CLIC4: variants seen among roughly 807,000 people sequenced by gnomAD.
CLIC4 encodes CLIC family member 4.
In CLIC4, 13 loss-of-function variants were observed where a neutral mutation model predicts 24.6. The observed-to-expected ratio is 0.53, with a 90% CI of 0.34 to 0.84. The LOEUF is 0.84. CLIC4 is among the 40% of genes least tolerant of loss of function. The pLI is 0.01. For synonymous variants in CLIC4, 104 were observed against 111.3 expected (o/e 0.93, Z 0.41); for missense variants, 227 against 301.7 (o/e 0.75, Z 1.83).
intron 2 of CLIC4, among the ~76,000 whole-genome samples, chr1:24,803,034 A>G (rs1170230911): frequency 6.6e-6 from 1 of 152,216 alleles, no homozygotes; most frequent in Non-Finnish European, 1.5e-5. Flanking sequence ...CTATGAGTTT[A>G]CACACTTGCA....
intron 1 of CLIC4, among the ~76,000 whole-genome samples, chr1:24,746,687 A>G (rs1448435485): frequency 1.3e-5 from 2 of 152,204 alleles, no homozygotes; most frequent in Non-Finnish European, 2.9e-5. Context: ...TTTTACTTTA[A>G]AGAAAGGACA....
At chr1:24,748,908 C>T (rs553134706) in intron 1 of CLIC4, among the ~76,000 whole-genome samples, 1 of 151,118 alleles carries the variant, frequency 6.6e-6, no homozygotes, top group African/African-American at 2.5e-5. Context: ...GGGGGAAATA[C>T]CCTTGTAAAT....
chr1:24,772,147 C>A (rs184733901), intron 1 of CLIC4, among the ~76,000 whole-genome samples: 1 of 151,956 alleles, frequency 6.6e-6, no homozygotes, highest in Non-Finnish European at 1.5e-5. Context: ...TTCTTTGACC[C>A]GAAAGAATAT....
chr1:24,839,216 A>C (rs1557817124), intron 4 of CLIC4, among the ~76,000 whole-genome samples: 2 of 152,236 alleles, frequency 1.3e-5, no homozygotes, highest in Non-Finnish European at 2.9e-5. Flanking sequence ...ATTTGAATTA[A>C]TATGCTTGCC....
chr1:24,781,939 T>C (rs1282736564), intron 1 of CLIC4, among the ~76,000 whole-genome samples: 1 of 152,192 alleles, frequency 6.6e-6, no homozygotes, highest in African/African-American at 2.4e-5. Context: ...CGTGAGCCAC[T>C]GCGCCGGGCC....
chr1:24,747,649 G>C (rs942529628), intron 1 of CLIC4, among the ~76,000 whole-genome samples: 1 of 151,962 alleles, frequency 6.6e-6, no homozygotes, highest in Non-Finnish European at 1.5e-5. Context: ...TGAGGAATAG[G>C]AAGGAATTTC....
intron 1 of CLIC4, 53 bp downstream of exon 1, chr1:24,745,678 C>A: frequency 6.9e-7 from 1 of 1,455,700 alleles, no homozygotes. Context: ...TCCCTCCCGG[C>A]TGCGGGGAGC....
chr1:24,757,095 A>G (rs1053946640), intron 1 of CLIC4, among the ~76,000 whole-genome samples: 17 of 152,030 alleles, frequency 1.1e-4, no homozygotes, highest in East Asian at 3.9e-4. Context: ...GGGTTTCTCC[A>G]TGTTGGTCAA....
At chr1:24,763,906 G>A (rs1160526033) in intron 1 of CLIC4, among the ~76,000 whole-genome samples, 4 of 152,126 alleles carry the variant, frequency 2.6e-5, no homozygotes, top group African/African-American at 9.7e-5. Context: ...TAAGCTCCAG[G>A]AGAGTAGATT....
At chr1:24,764,177 C>T (rs916244438) in intron 1 of CLIC4, among the ~76,000 whole-genome samples, 2 of 152,094 alleles carry the variant, frequency 1.3e-5, no homozygotes, top group Admixed American at 6.5e-5. Flanking sequence ...TCTGGCTCAC[C>T]GCAACCTCCG....
At chr1:24,748,067 C>T (rs1420576736) in intron 1 of CLIC4, among the ~76,000 whole-genome samples, 2 of 151,706 alleles carry the variant, frequency 1.3e-5, no homozygotes, top group East Asian at 3.9e-4. Context: ...AGTTATGGCT[C>T]TATTCAGTAT....
chr1:24,801,373 G>A (rs1402773105), intron 2 of CLIC4, among the ~76,000 whole-genome samples: 1 of 152,188 alleles, frequency 6.6e-6, no homozygotes, highest in Admixed American at 6.5e-5. Flanking sequence ...GGAGAAGGAA[G>A]AAGAGAGAAG....
At chr1:24,750,661 G>A (rs1290304492) in intron 1 of CLIC4, among the ~76,000 whole-genome samples, 4 of 151,860 alleles carry the variant, frequency 2.6e-5, no homozygotes, top group African/African-American at 9.7e-5. Context: ...CACCGAGCCT[G>A]GCCTACTGCC....
chr1:24,840,700 C>T lies in CLIC4; in HGVS notation c.598-73C>T. 4 of 1,272,904 alleles carry T rather than the reference C, an allele frequency of 3.1e-6. 1 individual carries two copies. Among genetic ancestry groups the T allele is most frequent in the Non-Finnish European group, 4.3e-6 (4 of 926,572 alleles). 78.9% of individuals were successfully genotyped at this position (1,272,904 alleles called of 1,614,324 possible). ...GATTTAGAGCATTAATTATTTGCTC[C>T]AAAATCAGAGATATGTCTAGTTTAC... is the stretch of plus-strand genomic sequence containing the variant. On this transcript the variant is annotated intron_variant, in intron 5 of 5. Coordinates refer to ENST00000374379, the MANE Select transcript of CLIC4 (RefSeq NM_013943.3).
At position 24,842,592 on chromosome 1, in the gene CLIC4, G is replaced by A. The variant is rs1456246585; in HGVS notation, c.*1655G>A. On this transcript the variant is annotated 3_prime_UTR_variant, in exon 6 of 6. Coordinates refer to ENST00000374379, the MANE Select transcript of CLIC4 (RefSeq NM_013943.3). ...AGCCTATCATTAATTAGCTTAGTAT[G>A]AAAGATAAGAAAATCTCCATGTTGT... The A allele has an allele frequency of 6.6e-6, 1 of 152,038 alleles. No individual in the cohort carries two copies. Among genetic ancestry groups the A allele is most frequent in the Non-Finnish European group, 1.5e-5 (1 of 67,990 alleles). The allele number at this position is 152,038 out of a possible 1,614,324, so 9.4% of individuals were successfully genotyped here. A position where few individuals can be genotyped will look rare whatever the true frequency, so the allele number is the denominator to read the frequency against.
chr1:24,821,560 G>T (rs1481891286), intron 3 of CLIC4, among the ~76,000 whole-genome samples: 1 of 151,874 alleles, frequency 6.6e-6, no homozygotes, highest in Non-Finnish European at 1.5e-5. Flanking sequence ...TTCTGTTTTT[G>T]TTTAGAGACA....
At chr1:24,762,543 G>A (rs1638940845) in intron 1 of CLIC4, among the ~76,000 whole-genome samples, 1 of 152,166 alleles carries the variant, frequency 6.6e-6, no homozygotes, top group African/African-American at 2.4e-5. Context: ...AGCTAGACAA[G>A]GAGAACAAAG....
intron 2 of CLIC4, among the ~76,000 whole-genome samples, chr1:24,805,779 A>G (rs763001338): frequency 6.6e-5 from 10 of 152,284 alleles, no homozygotes; most frequent in East Asian, 1.9e-4. Flanking sequence ...GCTTCCTCCA[A>G]TTGTTGCAAT....
chr1:24,764,370 G>A (rs1200712909), intron 1 of CLIC4, among the ~76,000 whole-genome samples: 1 of 150,842 alleles, frequency 6.6e-6, no homozygotes, highest in Non-Finnish European at 1.5e-5. Flanking sequence ...GAAGTGCTGG[G>A]ATTACAGGTG....
Sources: allele counts gnomAD v4.1 joint callset (sites outside exome capture counted in the v4.1 genomes callset), GRCh38; gene constraint gnomAD v4.1.1; transcripts MANE v1.5; gene names NCBI Gene and HGNC (gene_info 2026-07-23, HGNC 2026-07-21).